GHR: variants seen among roughly 807,000 people sequenced by gnomAD.
GHR encodes the protein growth hormone receptor, also known as GH receptor.
In GHR, 35 loss-of-function variants were observed where a neutral mutation model predicts 67.1. The ratio of observed to expected loss-of-function variants is 0.52; its 90% confidence interval spans 0.40 to 0.69. The LOEUF (loss-of-function observed/expected upper bound fraction) is 0.69, where lower values mean the gene tolerates loss of function less well. GHR is among the 30% of genes least tolerant of loss of function. GHR has a pLI of 0.00. For missense variants in GHR, 792 were observed against 764.6 expected (o/e 1.04, Z -0.42); for synonymous variants, 272 against 269.1 (o/e 1.01, Z -0.10).
chr5:42,620,232 CTT>C (rs1327411538), intron 2 of GHR, among the ~76,000 whole-genome samples: 1 of 151,926 alleles, frequency 6.6e-6, no homozygotes, highest in Non-Finnish European at 1.5e-5. Flanking sequence ...CAAATTGAGA[CTT>C]CAGAGAACTC....
chr5:42,695,102 T>C lies in GHR; in HGVS notation c.439+13T>C. 1.3e-6 allele frequency: 2 copies of C among 1,586,084 alleles called. No homozygotes were observed. Among genetic ancestry groups the C allele is most frequent in the Non-Finnish European group, 1.7e-6 (2 of 1,154,658 alleles). ...GTTGATGAAATAGGTAAATCACAGGTTTTTGTTTCATTTGACATAGTTTTA... is the reference window on the plus strand; with the variant it reads ...GTTGATGAAATAGGTAAATCACAGGCTTTTGTTTCATTTGACATAGTTTTA... On this transcript the variant is annotated intron_variant, in intron 5 of 9. Coordinates refer to ENST00000230882, the MANE Select transcript of GHR (RefSeq NM_000163.5).
Position 42,579,140 on chromosome 5 carries a change from T to TA in GHR, c.70+13196_70+13197insA, listed in dbSNP as rs373298354. ...ATAGATAGATAGATAGATAGATAGA[T>TA]GATAGATAGATATAGATAGATAGAT... On this transcript the variant is annotated intron_variant, in intron 2 of 9. Coordinates refer to ENST00000230882, the MANE Select transcript of GHR (RefSeq NM_000163.5). Among the ~76,000 whole-genome samples the TA allele has an allele frequency of 1.0e-2, 595 of 59,562 alleles. 2 individuals are homozygous for TA. Among genetic ancestry groups the TA allele is most frequent in the Non-Finnish European group, 0.012 (344 of 28,592 alleles). The allele number at this position is 59,562 out of a possible 152,430, so 39.1% of individuals were successfully genotyped here.
At chr5:42,457,126 T>C (rs1232268484) in intron 1 of GHR, among the ~76,000 whole-genome samples, 1 of 152,216 alleles carries the variant, frequency 6.6e-6, no homozygotes, top group African/African-American at 2.4e-5. Context: ...CCTTCGCTTC[T>C]CTGTGGCCTT....
chr5:42,531,793 T>C (rs2112342309), intron 1 of GHR, among the ~76,000 whole-genome samples: 1 of 152,284 alleles, frequency 6.6e-6, no homozygotes, highest in Non-Finnish European at 1.5e-5. Context: ...CATTGCTATT[T>C]GTTGCAATTC....
intron 1 of GHR, chr5:42,467,340 A>G: frequency 9.5e-7 from 1 of 1,051,026 alleles, no homozygotes; most frequent in Non-Finnish European, 1.5e-6. Context: ...GTACAATAAG[A>G]TTTGCAATCT....
chr5:42,706,915 C>T (rs1049352746), intron 6 of GHR, among the ~76,000 whole-genome samples: 7 of 151,906 alleles, frequency 4.6e-5, no homozygotes, highest in African/African-American at 1.7e-4. Flanking sequence ...TTTTCTAAAT[C>T]TGTGAAAAAT....
At chr5:42,668,108 CTTG>C (rs1200311239) in intron 3 of GHR, among the ~76,000 whole-genome samples, 2 of 152,070 alleles carry the variant, frequency 1.3e-5, no homozygotes, top group Non-Finnish European at 2.9e-5. Context: ...ACAAATGCCA[CTTG>C]TTGATTAATT....
intron 4 of GHR, among the ~76,000 whole-genome samples, chr5:42,691,680 C>T (rs75175389): frequency 0.012 from 1,768 of 152,342 alleles, 40 homozygotes; most frequent in African/African-American, 0.04. Context: ...CACAACAGAA[C>T]GTGAACATGT....
intron 1 of GHR, among the ~76,000 whole-genome samples, chr5:42,471,462 T>G (rs948364070): frequency 6.6e-6 from 1 of 152,096 alleles, no homozygotes; most frequent in Non-Finnish European, 1.5e-5. Flanking sequence ...ATGCAAGGAG[T>G]GTGATCGTTG....
At chr5:42,621,167 T>A (rs143480914) in intron 2 of GHR, among the ~76,000 whole-genome samples, 203 of 152,172 alleles carry the variant, frequency 1.3e-3, no homozygotes, top group African/African-American at 4.4e-3. Flanking sequence ...CTGGGCAGGA[T>A]GTTTTGCTGC....
chr5:42,473,576 G>A (rs1745100160), intron 1 of GHR, among the ~76,000 whole-genome samples: 1 of 152,132 alleles, frequency 6.6e-6, no homozygotes. Context: ...AATTAGAAAG[G>A]TCTATTGAAA....
rs1357616734 is a variant in GHR, at chr5:42,718,717, A to G, written c.1210A>G (p.Ile404Val). 1 of 1,614,238 alleles carries G rather than the reference A, an allele frequency of 6.2e-7. No individual in the cohort carries two copies. The highest frequency in any genetic ancestry group is 8.5e-7 in the Non-Finnish European group (1 of 1,180,048). The change falls in exon 10 of 10, where the codon ATA becomes GTA. Residue 404 changes from isoleucine (I) to valine (V), a missense_variant. Coordinates refer to ENST00000230882, the MANE Select transcript of GHR (RefSeq NM_000163.5). ...ILETDFNAND[I>V]HEGTSEVAQP... The stretch of plus-strand genomic sequence containing the variant: ...GGAGACTGATTTCAATGCCAATGAC[A>G]TACATGAGGGTACCTCAGAGGTTGC...
chr5:42,499,774 A>T (rs1357597868), intron 1 of GHR, among the ~76,000 whole-genome samples: 12 of 152,204 alleles, frequency 7.9e-5, no homozygotes, highest in Non-Finnish European at 1.5e-5. Flanking sequence ...CCATGACTGA[A>T]TCTTTTTTTG....
intron 2 of GHR, among the ~76,000 whole-genome samples, chr5:42,606,324 T>C (rs567779868): frequency 6.6e-6 from 1 of 152,332 alleles, no homozygotes; most frequent in South Asian, 2.1e-4. Context: ...CTATAAGGAA[T>C]ACCTGTTGCT....
chr5:42,514,497 A>G (rs1257682905), intron 1 of GHR: 1 of 185,298 alleles, frequency 5.4e-6, no homozygotes, highest in Non-Finnish European at 1.0e-5. Context: ...AGCTATTCAG[A>G]GATATTGGGA....
At chr5:42,717,115 C>G (rs1290302034) in intron 8 of GHR, among the ~76,000 whole-genome samples, 2 of 152,034 alleles carry the variant, frequency 1.3e-5, no homozygotes, top group African/African-American at 4.8e-5. Flanking sequence ...CCAGACAGCT[C>G]GGGCAATGAC....
At chr5:42,582,524 T>C (rs1214845349) in intron 2 of GHR, among the ~76,000 whole-genome samples, 1 of 152,238 alleles carries the variant, frequency 6.6e-6, no homozygotes, top group Non-Finnish European at 1.5e-5. Context: ...TTCACCTTGC[T>C]CACCTTCCAG....
chr5:42,507,536 TGGTGTACATCAGTCA>T (rs1422902082), intron 1 of GHR, among the ~76,000 whole-genome samples: 4 of 152,260 alleles, frequency 2.6e-5, no homozygotes, highest in Non-Finnish European at 5.9e-5. Context: ...GAATTCAAAA[TGGTGTACATCAGTCA>T]GGTCCTGGAA....
intron 1 of GHR, among the ~76,000 whole-genome samples, chr5:42,464,642 G>A (rs1304817927): frequency 6.6e-6 from 1 of 152,180 alleles, no homozygotes; most frequent in Non-Finnish European, 1.5e-5. Context: ...GGAAGTCTCT[G>A]CCATGTTATC....
Sources: gnomAD v4.1 joint callset for allele counts (sites outside exome capture counted in the v4.1 genomes callset) on GRCh38, gnomAD v4.1.1 for gene constraint, MANE v1.5 for transcripts, NCBI Gene and HGNC (gene_info 2026-07-23, HGNC 2026-07-21) for gene names.